Variants in BACE1-AS observed in about 807,000 individuals in gnomAD.
The protein encoded by BACE1-AS is BACE1 antisense RNA.
At chr11:117,291,987 T>C in intron 2 of BACE1-AS, 1 of 480,590 alleles carries the variant, frequency 2.1e-6, no homozygotes, top group Non-Finnish European at 3.8e-6. Context: ...ATCTCTAAAG[T>C]GAGGATAAAA....
intron 1 of BACE1-AS, chr11:117,291,649 G>C: frequency 1.6e-6 from 2 of 1,215,544 alleles, no homozygotes; most frequent in Non-Finnish European, 2.4e-6. Context: ...TGAAGAATGT[G>C]ACTCTCACCG....
chr11:117,291,354 G>A (rs111727514), intron 1 of BACE1-AS, among the ~76,000 whole-genome samples: 40 of 150,524 alleles, frequency 2.7e-4, no homozygotes, highest in African/African-American at 8.3e-4. Flanking sequence ...ATGGCTCACC[G>A]CAACCTCCAC....
chr11:117,291,662 T>G (rs756577849), intron 1 of BACE1-AS: 48 of 1,344,866 alleles, frequency 3.6e-5, no homozygotes, highest in Non-Finnish European at 4.8e-5. Context: ...TCTCACCGCC[T>G]CCCTCTGACA....
In BACE1-AS at chr11:117,291,405, G is replaced by A. The variant is rs548502604; in HGVS notation, n.57-298G>A. Among the ~76,000 whole-genome samples, 4 of 152,188 alleles carry A rather than the reference G, an allele frequency of 2.6e-5. No individual in the cohort carries two copies. The South Asian group carries it at 8.3e-4, about 32-fold the overall frequency. ...TGATTCTCCTGTCTCAGCCCCCTGA[G>A]TAGCTAGGATTACAGGCGTGCGCCA... On this transcript the variant is annotated intron_variant and non_coding_transcript_variant, in intron 1 of 3. Coordinates refer to ENST00000614401, the Ensembl canonical transcript of BACE1-AS.
intron 1 of BACE1-AS, chr11:117,291,693 C>A: frequency 6.4e-7 from 1 of 1,572,636 alleles, no homozygotes. Flanking sequence ...TCTTTTACCC[C>A]CATCCTTAGT....
rs45619137 is a variant in BACE1-AS, at chr11:117,291,568, G to A, written n.57-135G>A. The A allele has an allele frequency of 0.076, 44,229 of 583,258 alleles. 2,049 individuals are homozygous for A. The highest frequency in any genetic ancestry group is 0.13 in the East Asian group (3,887 of 29,978). 36.1% of individuals were successfully genotyped at this position (583,258 alleles called of 1,614,324 possible). ...TGGGATTACAGGCGTGAGCCACCAC[G>A]CCTGGCTAGGGGAAGAGTGTTTTAA... On this transcript the variant is annotated intron_variant and non_coding_transcript_variant, in intron 1 of 3. Coordinates refer to ENST00000614401, the Ensembl canonical transcript of BACE1-AS.
chr11:117,291,751 C>T (rs775866522), exon 2 of BACE1-AS: 2 of 1,613,696 alleles, frequency 1.2e-6, no homozygotes, highest in East Asian at 2.2e-5. Flanking sequence ...CAGCTTCAAA[C>T]ACTTTCTTGG....
chr11:117,291,709 C>T (rs769761591), exon 2 of BACE1-AS: 4 of 1,608,770 alleles, frequency 2.5e-6, no homozygotes, highest in Non-Finnish European at 3.4e-6. Context: ...TTAGTCCACT[C>T]ACGGAGGAGG....
At position 117,291,623 on chromosome 11, in the gene BACE1-AS, A is replaced by G; in HGVS notation, n.57-80A>G. ...TCTGAGTAGAAGGGTCTAAGTGCAG[A>G]CATCTTGGCTGTTGCTGAAGAATGT... On this transcript the variant is annotated intron_variant and non_coding_transcript_variant, in intron 1 of 3. Coordinates refer to ENST00000614401, the Ensembl canonical transcript of BACE1-AS. The G allele has an allele frequency of 3.2e-6, 3 of 944,988 alleles. No individual in the cohort carries two copies. In the South Asian group the frequency reaches 4.2e-5, roughly 13 times the overall value. The allele number at this position is 944,988 out of a possible 1,614,324, so 58.5% of individuals were successfully genotyped here. A position where few individuals can be genotyped will look rare whatever the true frequency, so the allele number is the denominator to read the frequency against.
chr11:117,292,094 T>A (rs2034456383), intron 2 of BACE1-AS: 1 of 199,012 alleles, frequency 5.0e-6, no homozygotes. Flanking sequence ...ACTTGGTAAA[T>A]GTTTATTCTT....
At chr11:117,291,775 G>T in intron 2 of BACE1-AS, 1 of 1,613,422 alleles carries the variant, frequency 6.2e-7, no homozygotes, top group Non-Finnish European at 8.5e-7. Context: ...AACGAAGGTT[G>T]GTGGTGCCAC....
chr11:117,291,894 C>G (rs941681781), intron 2 of BACE1-AS: 1 of 1,086,104 alleles, frequency 9.2e-7, no homozygotes, highest in African/African-American at 1.6e-5. Context: ...ACTGCTGGGG[C>G]CCCAGCTGGG....
rs28989505 is a variant in BACE1-AS, at chr11:117,291,956, C to G, written n.125+185C>G. ...AAGTGTACCTGCTTGGACAAGTTAA[C>G]CTCTGTGCCTCAGTTCCTTCATCTC... On this transcript the variant is annotated intron_variant and non_coding_transcript_variant, in intron 2 of 3. Coordinates refer to ENST00000614401, the Ensembl canonical transcript of BACE1-AS. 1,582 of 544,244 alleles carry G rather than the reference C, an allele frequency of 2.9e-3. 38 individuals carry two copies. Among genetic ancestry groups the G allele is most frequent in the East Asian group, 0.029 (928 of 32,330 alleles). The allele number at this position is 544,244 out of a possible 1,614,324, so 33.7% of individuals were successfully genotyped here.
intron 2 of BACE1-AS, chr11:117,292,078 G>C (rs764274295): frequency 1.7e-4 from 37 of 211,654 alleles, no homozygotes; most frequent in Non-Finnish European, 2.6e-4. Context: ...CCAGCAGAGA[G>C]AAGGCACTTG....
chr11:117,291,818 G>A, intron 2 of BACE1-AS: 1 of 1,599,168 alleles, frequency 6.3e-7, no homozygotes. Flanking sequence ...GTTGTACTAA[G>A]AGGGAAAAGA....
chr11:117,291,565 C>A, intron 1 of BACE1-AS: 2 of 576,992 alleles, frequency 3.5e-6, no homozygotes, highest in Non-Finnish European at 6.1e-6. Flanking sequence ...CGTGAGCCAC[C>A]ACGCCTGGCT....
Position 117,291,647 on chromosome 11 carries a change from G to A in BACE1-AS, n.57-56G>A, listed in dbSNP as rs969084306. The A allele has an allele frequency of 4.2e-6, 5 of 1,189,046 alleles. No homozygotes were observed. The African/African-American group carries it at 4.5e-5, about 11-fold the overall frequency. The allele number at this position is 1,189,046 out of a possible 1,614,324, so 73.7% of individuals were successfully genotyped here. ...GACATCTTGGCTGTTGCTGAAGAAT[G>A]TGACTCTCACCGCCTCCCTCTGACA... On this transcript the variant is annotated intron_variant and non_coding_transcript_variant, in intron 1 of 3. Transcript: ENST00000614401.
chr11:117,291,797 C>G (rs1305976598), intron 2 of BACE1-AS: 2 of 1,612,084 alleles, frequency 1.2e-6, no homozygotes, highest in Admixed American at 3.3e-5. Context: ...GTCCACAATG[C>G]TCTTGTCATA....
chr11:117,291,622 G>A, intron 1 of BACE1-AS: 3 of 941,564 alleles, frequency 3.2e-6, no homozygotes, highest in Non-Finnish European at 5.1e-6. Flanking sequence ...TCTAAGTGCA[G>A]ACATCTTGGC....
Sources: gnomAD v4.1 joint callset for allele counts (sites outside exome capture counted in the v4.1 genomes callset) on GRCh38, gnomAD v4.1.1 for gene constraint, MANE v1.5 for transcripts, NCBI Gene and HGNC (gene_info 2026-07-23, HGNC 2026-07-21) for gene names.